Variants in SLIT3 observed in about 807,000 individuals in gnomAD.
SLIT3 encodes slit homolog 3 protein.
In SLIT3, 68 loss-of-function variants were observed where a neutral mutation model predicts 184.0. The observed-to-expected ratio is 0.37, with a 90% CI of 0.30 to 0.45. The LOEUF (loss-of-function observed/expected upper bound fraction) is 0.45, where lower values mean the gene tolerates loss of function less well. Ranked by LOEUF, SLIT3 falls within the 20% of genes least tolerant of loss-of-function variation. The pLI is 1.00. For missense variants in SLIT3, 1,707 were observed against 2,026.0 expected, an observed-to-expected ratio of 0.84 and a Z score of 3.02; for synonymous variants, 831 against 828.6, an observed-to-expected ratio of 1.00 and a Z score of -0.05.
intron 3 of SLIT3, among the ~76,000 whole-genome samples, chr5:169,234,074 TTTC>T (rs1360048297): frequency 2.6e-5 from 4 of 152,344 alleles, no homozygotes; most frequent in African/African-American, 7.2e-5. Context: ...GGAAATGACT[TTTC>T]TTATTTCTTC....
intron 4 of SLIT3, among the ~76,000 whole-genome samples, chr5:169,187,929 C>CA (rs1423177994): frequency 9.9e-5 from 15 of 151,756 alleles, no homozygotes; most frequent in Non-Finnish European, 2.9e-5. Flanking sequence ...CGCCCTGCCG[C>CA]AAGCTCTCAC....
At chr5:169,078,393 G>A (rs1005148066) in intron 4 of SLIT3, among the ~76,000 whole-genome samples, 2 of 151,878 alleles carry the variant, frequency 1.3e-5, no homozygotes, top group Admixed American at 6.6e-5. Flanking sequence ...TTTCTCCTTG[G>A]ATACCCACCA....
intron 4 of SLIT3, among the ~76,000 whole-genome samples, chr5:169,122,036 C>T (rs934933895): frequency 1.3e-5 from 2 of 152,238 alleles, no homozygotes; most frequent in African/African-American, 4.8e-5. Context: ...GTAGGGGCAA[C>T]TTCCGGTTGC....
At chr5:169,085,401 T>C (rs938936620) in intron 4 of SLIT3, among the ~76,000 whole-genome samples, 1 of 152,162 alleles carries the variant, frequency 6.6e-6, no homozygotes, top group Non-Finnish European at 1.5e-5. Flanking sequence ...ATGCAAATCA[T>C]TCCAGCAGTC....
intron 4 of SLIT3, among the ~76,000 whole-genome samples, chr5:168,969,289 G>A (rs1317630837): frequency 1.3e-5 from 2 of 152,104 alleles, no homozygotes; most frequent in South Asian, 2.1e-4. Flanking sequence ...AGACAAGCAG[G>A]GAGTCAATTT....
At chr5:169,059,506 T>C (rs1758111453) in intron 4 of SLIT3, among the ~76,000 whole-genome samples, 1 of 152,150 alleles carries the variant, frequency 6.6e-6, no homozygotes, top group Non-Finnish European at 1.5e-5. Flanking sequence ...GGCAGTGATT[T>C]GAACCCAATG....
intron 4 of SLIT3, among the ~76,000 whole-genome samples, chr5:168,947,232 G>GA: frequency 6.6e-6 from 1 of 152,320 alleles, no homozygotes; most frequent in South Asian, 2.1e-4. Context: ...TGCAACGAGA[G>GA]AAAAAACAGA....
chr5:168,772,994 TCCA>T (rs1561924702), intron 13 of SLIT3, 50 bp from the exon 14 acceptor site: 17 of 1,529,868 alleles, frequency 1.1e-5, no homozygotes, highest in Non-Finnish European at 1.4e-5. Context: ...GGCGTCTTGC[TCCA>T]CCACCACCAC....
In SLIT3 at chr5:168,732,397, C is replaced by G. The variant is rs116423706; in HGVS notation, c.2271-7913G>C. On this transcript the variant is annotated intron_variant, in intron 20 of 35. Coordinates refer to ENST00000519560, the MANE Select transcript of SLIT3 (RefSeq NM_003062.4). Reference sequence around the variant, plus strand: ...AAATGACCATACTGCCCAAAGCAATCTACAGATTCATTGCAATCCCTACCA... The same window carrying G: ...AAATGACCATACTGCCCAAAGCAATGTACAGATTCATTGCAATCCCTACCA... Among the ~76,000 whole-genome samples the G allele has an allele frequency of 9.1e-3, 1,383 of 152,138 alleles. 24 individuals are homozygous for G. The highest frequency in any genetic ancestry group is 0.031 in the African/African-American group (1,307 of 41,548).
chr5:168,801,218 A>C (rs1285928152), intron 9 of SLIT3, among the ~76,000 whole-genome samples: 2 of 152,120 alleles, frequency 1.3e-5, no homozygotes, highest in African/African-American at 4.8e-5. Context: ...CCTTACATGG[A>C]AACCTGGTGC....
At chr5:169,173,495 C>T (rs940468979) in intron 4 of SLIT3, among the ~76,000 whole-genome samples, 22 of 152,180 alleles carry the variant, frequency 1.4e-4, no homozygotes, top group African/African-American at 5.3e-4. Context: ...TTCAAGGATG[C>T]TGTCTCCTAG....
intron 4 of SLIT3, among the ~76,000 whole-genome samples, chr5:169,027,103 A>G (rs1756859501): frequency 6.6e-6 from 1 of 152,188 alleles, no homozygotes; most frequent in Admixed American, 6.5e-5. Flanking sequence ...TGAGGTGCCC[A>G]TCCCAGATTG....
intron 4 of SLIT3, among the ~76,000 whole-genome samples, chr5:169,123,819 A>G (rs1441114289): frequency 6.6e-6 from 1 of 152,214 alleles, no homozygotes; most frequent in East Asian, 1.9e-4. Context: ...AGTCATGGTG[A>G]CAGTGTTTTG....
rs968074453 is a variant in SLIT3, at chr5:168,855,883, C to T, written c.486-11228G>A. 1.4e-4 allele frequency among the ~76,000 whole-genome samples: 22 copies of T among 151,930 alleles called. 1 individual carries two copies. The highest frequency in any genetic ancestry group is 7.9e-4 in the Admixed American group (12 of 15,232). On this transcript the variant is annotated intron_variant, in intron 5 of 35. Transcript: ENST00000519560. ...GTGATTTTTGGGAGGCCAAGGCGGG[C>T]GGATCATGAGGTCAGGAATTCAAGA... is the stretch of plus-strand genomic sequence containing the variant.
At chr5:168,719,442 A>G (rs966481002) in intron 23 of SLIT3, among the ~76,000 whole-genome samples, 2 of 152,206 alleles carry the variant, frequency 1.3e-5, no homozygotes, top group African/African-American at 4.8e-5. Flanking sequence ...GCTCTCTTAC[A>G]GTCTTTCTTC....
chr5:169,264,026 G>C (rs1446127079), intron 1 of SLIT3, among the ~76,000 whole-genome samples: 1 of 150,568 alleles, frequency 6.6e-6, no homozygotes, highest in African/African-American at 2.4e-5. Flanking sequence ...ATGTTTTCTG[G>C]AGTAAACATG....
At chr5:169,051,930 A>G (rs1032657455) in intron 4 of SLIT3, among the ~76,000 whole-genome samples, 2 of 152,206 alleles carry the variant, frequency 1.3e-5, no homozygotes, top group Non-Finnish European at 2.9e-5. Context: ...ACCAACCTAC[A>G]GAATCCATCA....
intron 4 of SLIT3, among the ~76,000 whole-genome samples, chr5:168,904,593 A>C (rs1220038529): frequency 7.2e-5 from 11 of 152,180 alleles, no homozygotes; most frequent in Non-Finnish European, 2.9e-5. Context: ...CCCTTTCTGA[A>C]TATAGAAAAA....
At chr5:169,230,815 G>A (rs1764975986) in intron 3 of SLIT3, among the ~76,000 whole-genome samples, 1 of 151,418 alleles carries the variant, frequency 6.6e-6, no homozygotes, top group Non-Finnish European at 1.5e-5. Flanking sequence ...CTGACTTTCA[G>A]ATTTTTTCCT....
Sources: allele counts gnomAD v4.1 joint callset (sites outside exome capture counted in the v4.1 genomes callset), GRCh38; gene constraint gnomAD v4.1.1; transcripts MANE v1.5; gene names NCBI Gene and HGNC (gene_info 2026-07-23, HGNC 2026-07-21).